Variants in ARHGAP1 observed in about 807,000 individuals in gnomAD.
ARHGAP1 encodes rho GTPase-activating protein 1.
In ARHGAP1, 23 loss-of-function variants were observed where a neutral mutation model predicts 52.2. That is an observed-to-expected ratio of 0.44 (90% CI 0.32 to 0.62). ARHGAP1 has a LOEUF of 0.62. ARHGAP1 is among the 20% of genes least tolerant of loss of function. The pLI is 0.05. For synonymous variants in ARHGAP1, 210 were observed against 228.4 expected, an observed-to-expected ratio of 0.92 and a Z score of 0.73; for missense variants, 480 against 560.9, an observed-to-expected ratio of 0.86 and a Z score of 1.46.
rs750928737 is a variant in ARHGAP1, at chr11:46,695,661, T to C, written c.228A>G (p.Ala76=). ...DIARHQIVEV[A]GDDKYGRKII... is the part of the protein sequence containing the mutation. ...GAAAATAGTGTTGGGTGTGCTTACC[T>C]GCCACCTCCACGATCTGGTGCCGGG... is the stretch of plus-strand genomic sequence containing the variant. The change falls in exon 3 of 13, where the codon GCA becomes GCG. Residue 76 remains alanine, a splice_region_variant and synonymous_variant. Coordinates refer to ENST00000311956, the MANE Select transcript of ARHGAP1 (RefSeq NM_004308.5). The C allele has an allele frequency of 1.4e-5, 22 of 1,551,594 alleles. No individual in the cohort carries two copies. Among genetic ancestry groups the C allele is most frequent in the Non-Finnish European group, 1.9e-5 (22 of 1,146,964 alleles).
intron 3 of ARHGAP1, among the ~76,000 whole-genome samples, chr11:46,689,117 C>T (rs2064593012): frequency 6.7e-6 from 1 of 150,234 alleles, no homozygotes; most frequent in Non-Finnish European, 1.5e-5. Context: ...CTGGTGCAGA[C>T]AACCCAAATG....
intron 4 of ARHGAP1, among the ~76,000 whole-genome samples, chr11:46,683,962 C>T (rs1388199333): frequency 2.0e-5 from 3 of 152,180 alleles, no homozygotes; most frequent in Admixed American, 2.0e-4. Context: ...TTCTAGTTGG[C>T]CAAACAGCTC....
At position 46,680,521 on chromosome 11, in the gene ARHGAP1, T is replaced by C. The variant is rs767950337; in HGVS notation, c.786A>G (p.Val262=). 8.7e-6 allele frequency: 14 copies of C among 1,613,804 alleles called. No individual in the cohort carries two copies. The African/African-American group carries it at 1.7e-4, about 20-fold the overall frequency. The part of the protein sequence containing the change: ...KNPEQEPIPI[V]LRETVAYLQA... ...GTAAGTAGGCAACAGTCTCCCTGAGTACAATGGGAATGGGCTCCTGCTCTG... is the reference window on the plus strand; with the variant it reads ...GTAAGTAGGCAACAGTCTCCCTGAGCACAATGGGAATGGGCTCCTGCTCTG... The change falls in exon 9 of 13, where the codon GTA becomes GTG. Residue 262 remains valine, a synonymous_variant. Coordinates refer to ENST00000311956, the MANE Select transcript of ARHGAP1 (RefSeq NM_004308.5). The surrounding 1 kb of genome is among the most constrained non-coding windows in gnomAD (Gnocchi z 5.9).
chr11:46,696,801 G>A lies in ARHGAP1; in HGVS notation c.-49-645C>T, dbSNP rs949013253. On this transcript the variant is annotated intron_variant, in intron 1 of 12. Coordinates refer to ENST00000311956, the MANE Select transcript of ARHGAP1 (RefSeq NM_004308.5). The surrounding 1 kb of genome is among the most constrained non-coding windows in gnomAD (Gnocchi z 4.8). Reference sequence around the variant, plus strand: ...GGAGAATCACTTGAACCCAGGAGGCGGAGGTTGCAGTGAGCCGAGATTGTG... The same window carrying A: ...GGAGAATCACTTGAACCCAGGAGGCAGAGGTTGCAGTGAGCCGAGATTGTG... 1.8e-4 allele frequency among the ~76,000 whole-genome samples: 27 copies of A among 152,160 alleles called. No individual in the cohort carries two copies. The highest frequency in any genetic ancestry group is 2.1e-4 in the Non-Finnish European group (14 of 68,024).
Position 46,680,762 on chromosome 11 carries a change from G to T in ARHGAP1, c.636-15C>A, listed in dbSNP as rs1009144100. On this transcript the variant is annotated splice_polypyrimidine_tract_variant and intron_variant, in intron 7 of 12. Transcript: ENST00000311956. This position sits in a 1 kb window ranked among gnomAD's most constrained non-coding sequence, Gnocchi z 5.9. Reference sequence around the variant, plus strand: ...AGTCGTCATATCTGTAGGAGTAGAGGGAGGTGGGTCAGGTCCTGCCTGGCT... The same window carrying T: ...AGTCGTCATATCTGTAGGAGTAGAGTGAGGTGGGTCAGGTCCTGCCTGGCT... 5.3e-6 allele frequency: 8 copies of T among 1,523,130 alleles called. No individual in the cohort carries two copies. Among genetic ancestry groups the T allele is most frequent in the Non-Finnish European group, 7.0e-6 (8 of 1,135,658 alleles). 94.4% of individuals were successfully genotyped at this position (1,523,130 alleles called of 1,614,324 possible).
intron 4 of ARHGAP1, among the ~76,000 whole-genome samples, chr11:46,684,289 AACAG>A (rs772362104): frequency 6.6e-6 from 1 of 152,232 alleles, no homozygotes; most frequent in Non-Finnish European, 1.5e-5. Context: ...TTGTAGTGAA[AACAG>A]ACACTCTCAT....
At chr11:46,691,947 TC>T (rs1164870265) in intron 3 of ARHGAP1, among the ~76,000 whole-genome samples, 1 of 152,192 alleles carries the variant, frequency 6.6e-6, no homozygotes, top group African/African-American at 2.4e-5. Flanking sequence ...ATAGTGAGTT[TC>T]CCAAAGCTCA....
intron 3 of ARHGAP1, chr11:46,695,424 A>C: frequency 1.7e-6 from 1 of 603,270 alleles, no homozygotes; most frequent in South Asian, 1.6e-5. Flanking sequence ...CTAGGCCCTG[A>C]CATGCATTCA....
At chr11:46,697,659 A>C (rs577253881) in intron 1 of ARHGAP1, 1 of 152,316 alleles carries the variant, frequency 6.6e-6, no homozygotes, top group East Asian at 1.9e-4. Context: ...TCATGCTCCC[A>C]AGCCAAAGCC....
At chr11:46,682,634 A>G (rs1322461361) in intron 4 of ARHGAP1, among the ~76,000 whole-genome samples, 2 of 152,176 alleles carry the variant, frequency 1.3e-5, no homozygotes, top group Non-Finnish European at 2.9e-5. Flanking sequence ...CAGTGAGCAG[A>G]GATTGTGGCA....
chr11:46,683,981 C>T (rs1187510052), intron 4 of ARHGAP1, among the ~76,000 whole-genome samples: 1 of 152,188 alleles, frequency 6.6e-6, no homozygotes, highest in East Asian at 1.9e-4. Flanking sequence ...TCCTAGGCTC[C>T]CACAGGGACA....
chr11:46,700,262 A>T (rs997447277), intron 1 of ARHGAP1, among the ~76,000 whole-genome samples: 3 of 152,252 alleles, frequency 2.0e-5, no homozygotes, highest in African/African-American at 7.2e-5. Context: ...CAGATCTGGG[A>T]GATTTCCCCC....
intron 3 of ARHGAP1, among the ~76,000 whole-genome samples, chr11:46,691,182 CCA>C (rs1169994403): frequency 6.6e-6 from 1 of 152,286 alleles, no homozygotes; most frequent in East Asian, 1.9e-4. Context: ...CAGTACTGGT[CCA>C]GTGTCTGGCA....
At position 46,679,876 on chromosome 11, in the gene ARHGAP1, G is replaced by T. The variant is rs1162595299; in HGVS notation, c.899-100C>A. ...CACTGCCTGACTGCCCCTGGACACTGCATAAGCCCCTCCTCCCAGGGGCGC... is the reference window on the plus strand; with the variant it reads ...CACTGCCTGACTGCCCCTGGACACTTCATAAGCCCCTCCTCCCAGGGGCGC... On this transcript the variant is annotated intron_variant, in intron 10 of 12. Coordinates refer to ENST00000311956, the MANE Select transcript of ARHGAP1 (RefSeq NM_004308.5). The surrounding 1 kb of genome is among the most constrained non-coding windows in gnomAD (Gnocchi z 4.4). The T allele has an allele frequency of 1.7e-5, 26 of 1,542,898 alleles. 1 individual carries two copies. Among genetic ancestry groups the T allele is most frequent in the Non-Finnish European group, 2.3e-5 (26 of 1,146,256 alleles).
At position 46,697,108 on chromosome 11, in the gene ARHGAP1, C is replaced by T. The variant is rs561929819; in HGVS notation, c.-49-952G>A. The T allele has an allele frequency of 2.6e-5, 4 of 152,626 alleles. No individual in the cohort carries two copies. In the South Asian group the frequency reaches 6.2e-4, roughly 24 times the overall value. 9.5% of individuals were successfully genotyped at this position (152,626 alleles called of 1,614,324 possible). Reference sequence around the variant, plus strand: ...GGCGCAGATGGGAAAGGGGGATGCTCGTGATGTCTGGGGTGCTGAGATGAG... The same window carrying T: ...GGCGCAGATGGGAAAGGGGGATGCTTGTGATGTCTGGGGTGCTGAGATGAG... On this transcript the variant is annotated intron_variant, in intron 1 of 12. Transcript: ENST00000311956.
In ARHGAP1 at chr11:46,677,779, G is replaced by C; in HGVS notation, c.*1258C>G. On this transcript the variant is annotated 3_prime_UTR_variant, in exon 13 of 13. Transcript: ENST00000311956. ...ATCCTGGCCAACATGGTGAAACCCC[G>C]TCTCTACTAAAAATACAAAAATTAG... 6.6e-6 allele frequency: 2 copies of C among 305,118 alleles called. No homozygotes were observed. Among genetic ancestry groups the C allele is most frequent in the Non-Finnish European group, 1.3e-5 (2 of 155,242 alleles). The allele number at this position is 305,118 out of a possible 1,614,324, so 18.9% of individuals were successfully genotyped here. A position where few individuals can be genotyped will look rare whatever the true frequency, so the allele number is the denominator to read the frequency against.
In ARHGAP1 at chr11:46,696,287, A is replaced by C; in HGVS notation, c.-49-131T>G. ...CTGTCCCTATTCCTCAACACTCCTC[A>C]TCCCCGCCAAGAGCTCCACGTAGCT... On this transcript the variant is annotated intron_variant, in intron 1 of 12. Transcript: ENST00000311956. The surrounding 1 kb of genome is among the most constrained non-coding windows in gnomAD (Gnocchi z 4.8). The C allele has an allele frequency of 1.5e-5, 9 of 616,162 alleles. No homozygotes were observed. The highest frequency in any genetic ancestry group is 2.9e-5 in the East Asian group (1 of 33,998). 38.2% of individuals were successfully genotyped at this position (616,162 alleles called of 1,614,324 possible).
intron 3 of ARHGAP1, among the ~76,000 whole-genome samples, chr11:46,691,451 ATTT>A (rs56173045): frequency 2.7e-4 from 31 of 114,748 alleles, no homozygotes; most frequent in Non-Finnish European, 2.2e-4. Context: ...CACCAGGCTA[ATTT>A]TTTTTTTTTT....
rs1469706363 is a variant in ARHGAP1, at chr11:46,694,700, G to C, written c.229+960C>G. Among the ~76,000 whole-genome samples, 4 of 152,200 alleles carry C rather than the reference G, an allele frequency of 2.6e-5. No individual in the cohort carries two copies. In the East Asian group the frequency reaches 5.8e-4, roughly 22 times the overall value. On this transcript the variant is annotated intron_variant, in intron 3 of 12. Coordinates refer to ENST00000311956, the MANE Select transcript of ARHGAP1 (RefSeq NM_004308.5). ...GACCAGACTGGGGAAAAAACTCTCA[G>C]CTTTGCTTCTGCAGGGGGTGAATGA... is the stretch of plus-strand genomic sequence containing the variant.
Sources: gnomAD v4.1 joint callset for allele counts (sites outside exome capture counted in the v4.1 genomes callset) on GRCh38, gnomAD v4.1.1 for gene constraint, Gnocchi (gnomAD v3.1) non-coding constraint, MANE v1.5 for transcripts, NCBI Gene and HGNC (gene_info 2026-07-23, HGNC 2026-07-21) for gene names.